Variants in KDM4C observed in about 807,000 individuals in gnomAD.
The protein encoded by KDM4C is lysine-specific demethylase 4C.
Under a neutral mutation model 129.3 loss-of-function variants are expected in KDM4C, and 81 were observed. The ratio of observed to expected loss-of-function variants is 0.63; its 90% CI spans 0.52 to 0.75. The LOEUF (loss-of-function observed/expected upper bound fraction) is 0.75, where lower values mean the gene tolerates loss of function less well. KDM4C is among the 30% of genes least tolerant of loss of function. The pLI is 0.00. For synonymous variants in KDM4C, 573 were observed against 456.1 expected (o/e 1.26, Z -3.26); for missense variants, 1,457 against 1,304.0 (o/e 1.12, Z -1.81).
At chr9:6,760,701 G>T (rs574989407) in intron 1 of KDM4C, among the ~76,000 whole-genome samples, 1 of 151,930 alleles carries the variant, frequency 6.6e-6, no homozygotes, top group Non-Finnish European at 1.5e-5. Context: ...CTCCTGAATA[G>T]CTGGGACTAC....
chr9:6,936,946 C>A (rs1475712465), intron 8 of KDM4C, among the ~76,000 whole-genome samples: 1 of 152,100 alleles, frequency 6.6e-6, no homozygotes, highest in Non-Finnish European at 1.5e-5. Context: ...TAAATGTGTT[C>A]TTTTATTGAC....
chr9:6,802,589 A>G (rs1829212878), intron 2 of KDM4C, among the ~76,000 whole-genome samples: 1 of 152,206 alleles, frequency 6.6e-6, no homozygotes, highest in African/African-American at 2.4e-5. Context: ...AATGAAAATC[A>G]AAGAACTTCA....
intron 4 of KDM4C, among the ~76,000 whole-genome samples, chr9:6,840,015 C>T (rs1040904967): frequency 1.3e-5 from 2 of 152,098 alleles, no homozygotes; most frequent in Non-Finnish European, 2.9e-5. Flanking sequence ...TTACAAAGAG[C>T]TATGATATAC....
intron 1 of KDM4C, among the ~76,000 whole-genome samples, chr9:6,736,659 G>A (rs1017908974): frequency 4.6e-5 from 7 of 152,138 alleles, no homozygotes; most frequent in African/African-American, 1.4e-4. Context: ...TGTAGACAAT[G>A]TGATTCTATA....
intron 15 of KDM4C, among the ~76,000 whole-genome samples, chr9:7,038,041 C>T (rs971559879): frequency 1.3e-5 from 2 of 151,886 alleles, no homozygotes; most frequent in Non-Finnish European, 2.9e-5. Context: ...TTTGATATCA[C>T]CGTAGGTTAG....
intron 1 of KDM4C, among the ~76,000 whole-genome samples, chr9:6,745,815 A>G (rs1817854063): frequency 6.7e-6 from 1 of 150,068 alleles, no homozygotes; most frequent in South Asian, 2.1e-4. Flanking sequence ...TTTGTATTTT[A>G]TTTTATTTTT....
chr9:6,907,446 A>G (rs1563793973), intron 8 of KDM4C, among the ~76,000 whole-genome samples: 1 of 152,188 alleles, frequency 6.6e-6, no homozygotes, highest in Non-Finnish European at 1.5e-5. Flanking sequence ...TAAAGTTTTC[A>G]GTAGTATCTG....
intron 19 of KDM4C, among the ~76,000 whole-genome samples, chr9:7,131,039 G>T (rs962204179): frequency 1.3e-5 from 2 of 151,826 alleles, no homozygotes; most frequent in African/African-American, 2.4e-5. Context: ...AAAGTGCTGG[G>T]ATTACAGTTG....
At chr9:6,913,238 G>C (rs1039194997) in intron 8 of KDM4C, among the ~76,000 whole-genome samples, 1 of 151,868 alleles carries the variant, frequency 6.6e-6, no homozygotes, top group Admixed American at 6.5e-5. Context: ...TAGCTACCCA[G>C]GGATATGAAA....
At chr9:6,826,873 A>C (rs1310209049) in intron 4 of KDM4C, among the ~76,000 whole-genome samples, 1 of 152,052 alleles carries the variant, frequency 6.6e-6, no homozygotes, top group Non-Finnish European at 1.5e-5. Flanking sequence ...TCTCAAAAAA[A>C]AAAAAAAGAA....
intron 8 of KDM4C, among the ~76,000 whole-genome samples, chr9:6,979,408 T>C (rs1816372444): frequency 6.6e-6 from 1 of 151,984 alleles, no homozygotes; most frequent in African/African-American, 2.4e-5. Context: ...GGTGGTGTGG[T>C]AGGAGGAAAA....
chr9:6,966,533 A>G (rs1479729353), intron 8 of KDM4C, among the ~76,000 whole-genome samples: 1 of 152,254 alleles, frequency 6.6e-6, no homozygotes, highest in African/African-American at 2.4e-5. Context: ...AAGCCAAGGC[A>G]TGAAGATCAG....
At chr9:6,824,266 A>G (rs779729030) in intron 4 of KDM4C, among the ~76,000 whole-genome samples, 2 of 152,212 alleles carry the variant, frequency 1.3e-5, no homozygotes, top group Admixed American at 6.5e-5. Context: ...GACAGGTGTC[A>G]TTTCTCATGT....
chr9:6,976,998 C>A (rs997564281), intron 8 of KDM4C, among the ~76,000 whole-genome samples: 3 of 152,080 alleles, frequency 2.0e-5, no homozygotes, highest in African/African-American at 7.2e-5. Context: ...TGTTTTGAGA[C>A]TGGATTATGA....
chr9:7,080,392 C>G (rs888154162), intron 17 of KDM4C, among the ~76,000 whole-genome samples: 1 of 152,154 alleles, frequency 6.6e-6, no homozygotes, highest in African/African-American at 2.4e-5. Context: ...TTTGCCAGCC[C>G]AGTACTGTTA....
At chr9:7,134,182 C>T (rs748869903) in intron 19 of KDM4C, among the ~76,000 whole-genome samples, 11 of 152,194 alleles carry the variant, frequency 7.2e-5, no homozygotes, top group African/African-American at 1.2e-4. Flanking sequence ...CCCACATGGC[C>T]TTTCACTCTT....
At chr9:6,992,101 A>G (rs1054331324) in intron 12 of KDM4C, among the ~76,000 whole-genome samples, 2 of 152,104 alleles carry the variant, frequency 1.3e-5, no homozygotes, top group African/African-American at 4.8e-5. Flanking sequence ...TGTGTAAAGT[A>G]ATTAATACTT....
At chr9:7,030,955 A>AAC (rs1826622601) in intron 15 of KDM4C, among the ~76,000 whole-genome samples, 1 of 152,094 alleles carries the variant, frequency 6.6e-6, no homozygotes, top group Non-Finnish European at 1.5e-5. Flanking sequence ...TATTTACTGA[A>AAC]AAGCATTTAT....
chr9:6,998,712 C>T (rs1218295997), intron 12 of KDM4C, among the ~76,000 whole-genome samples: 1 of 152,172 alleles, frequency 6.6e-6, no homozygotes, highest in Non-Finnish European at 1.5e-5. Context: ...AAGAGAATCG[C>T]TGGAACCTGG....
Sources: allele counts gnomAD v4.1 joint callset (sites outside exome capture counted in the v4.1 genomes callset), GRCh38; gene constraint gnomAD v4.1.1; transcripts MANE v1.5; gene names NCBI Gene and HGNC (gene_info 2026-07-23, HGNC 2026-07-21).